The following CDK8 variants were observed in gnomAD, a reference collection of about 807,000 sequenced individuals.
CDK8 encodes the protein cyclin dependent kinase 8.
Under a neutral mutation model 71.5 loss-of-function variants are expected in CDK8, and 29 were observed. That is an observed-to-expected ratio of 0.41 (90% CI 0.30 to 0.55). The LOEUF (loss-of-function observed/expected upper bound fraction) is 0.55, where lower values mean the gene tolerates loss of function less well. Ranked by LOEUF, CDK8 falls within the 20% of genes least tolerant of loss-of-function variation. CDK8 has a pLI of 0.37. For missense variants in CDK8, 288 were observed against 572.6 expected (o/e 0.50, Z 5.07); for synonymous variants, 161 against 192.1 (o/e 0.84, Z 1.34).
chr13:26,400,428 A>T, intron 9 of CDK8, 25 bp from the exon 10 acceptor site: 1 of 1,406,616 alleles, frequency 7.1e-7, no homozygotes, highest in Non-Finnish European at 1.0e-6. Context: ...CAATACCGTC[A>T]TGTTTGTATG....
At chr13:26,339,069 G>A (rs371739301) in intron 2 of CDK8, among the ~76,000 whole-genome samples, 6 of 152,000 alleles carry the variant, frequency 3.9e-5, no homozygotes, top group African/African-American at 1.4e-4. Context: ...AAGTATGAAA[G>A]CCTACTTTTA....
At chr13:26,296,595 C>T (rs9581626) in intron 1 of CDK8, among the ~76,000 whole-genome samples, 16,466 of 152,124 alleles carry the variant, frequency 0.11, 2,637 homozygotes, top group African/African-American at 0.35. Flanking sequence ...ACTAAGATAA[C>T]GAATCCCTGA....
chr13:26,399,372 C>T (rs992419697), intron 9 of CDK8, among the ~76,000 whole-genome samples: 4 of 152,150 alleles, frequency 2.6e-5, no homozygotes, highest in African/African-American at 9.7e-5. Flanking sequence ...CTCAGTCCAG[C>T]AGCATGGTAT....
At chr13:26,310,283 A>G (rs1874224504) in intron 1 of CDK8, among the ~76,000 whole-genome samples, 1 of 152,174 alleles carries the variant, frequency 6.6e-6, no homozygotes, top group African/African-American at 2.4e-5. Flanking sequence ...GAAATTGTAC[A>G]GTGTTGGTGA....
At chr13:26,337,058 A>G (rs1252939294) in intron 1 of CDK8, among the ~76,000 whole-genome samples, 1 of 132,708 alleles carries the variant, frequency 7.5e-6, no homozygotes, top group African/African-American at 2.6e-5. Context: ...GTAAGTGTTC[A>G]GTAAACACAT....
intron 2 of CDK8, among the ~76,000 whole-genome samples, chr13:26,341,002 T>C (rs940778567): frequency 6.6e-6 from 1 of 152,218 alleles, no homozygotes; most frequent in African/African-American, 2.4e-5. Context: ...TGTAGACATT[T>C]TTCAAACTGC....
At chr13:26,313,332 G>A (rs1874374350) in intron 1 of CDK8, among the ~76,000 whole-genome samples, 1 of 152,178 alleles carries the variant, frequency 6.6e-6, no homozygotes, top group East Asian at 1.9e-4. Flanking sequence ...TGGCAAAAAC[G>A]AGATGGAAAA....
At chr13:26,342,432 AC>A (rs1873284342) in intron 2 of CDK8, among the ~76,000 whole-genome samples, 6 of 152,066 alleles carry the variant, frequency 3.9e-5, no homozygotes, top group Admixed American at 6.5e-5. Flanking sequence ...TTGGGCTCTT[AC>A]CCTGGCTCTG....
chr13:26,353,760 A>G lies in CDK8; in HGVS notation c.336A>G (p.Arg112=), dbSNP rs957363914. 3 of 1,612,414 alleles carry G rather than the reference A, an allele frequency of 1.9e-6. No individual in the cohort carries two copies. The highest frequency in any genetic ancestry group is 2.5e-6 in the Non-Finnish European group (3 of 1,179,006). The change falls in exon 4 of 13, where the codon AGA becomes AGG. Residue 112 remains arginine, a synonymous_variant. Coordinates refer to ENST00000381527, the MANE Select transcript of CDK8 (RefSeq NM_001260.3). ...TTCAGCATATAATCAAGTTTCACAGAGCTTCTAAAGCAAACAAGAAGCCAG... is the reference window on the plus strand; with the variant it reads ...TTCAGCATATAATCAAGTTTCACAGGGCTTCTAAAGCAAACAAGAAGCCAG... ...HDLWHIIKFH[R]ASKANKKPVQ... is the part of the protein sequence containing the mutation.
intron 1 of CDK8, among the ~76,000 whole-genome samples, chr13:26,267,253 G>A (rs1872061993): frequency 6.6e-6 from 1 of 152,202 alleles, no homozygotes; most frequent in African/African-American, 2.4e-5. Context: ...TATGCGTGCA[G>A]TTCTCCAGTG....
chr13:26,259,696 A>G (rs1396813184), intron 1 of CDK8, among the ~76,000 whole-genome samples: 1 of 152,188 alleles, frequency 6.6e-6, no homozygotes, highest in East Asian at 1.9e-4. Flanking sequence ...TTTAGTAGCA[A>G]TACTGGAAAA....
chr13:26,323,591 C>T (rs1874892982), intron 1 of CDK8, among the ~76,000 whole-genome samples: 2 of 152,134 alleles, frequency 1.3e-5, no homozygotes, highest in South Asian at 4.1e-4. Flanking sequence ...GGCCCTCGTT[C>T]TCATTTGTTC....
chr13:26,323,588 G>A (rs1017513026), intron 1 of CDK8, among the ~76,000 whole-genome samples: 53 of 152,052 alleles, frequency 3.5e-4, no homozygotes, highest in African/African-American at 1.2e-3. Flanking sequence ...TTAGGCCCTC[G>A]TTCTCATTTG....
intron 1 of CDK8, among the ~76,000 whole-genome samples, chr13:26,274,386 C>T (rs59980333): frequency 0.029 from 4,344 of 150,968 alleles, 196 homozygotes; most frequent in African/African-American, 0.1. Context: ...AATTTCTTTT[C>T]GGAATTACCC....
chr13:26,256,493 TGA>T (rs1871530216), intron 1 of CDK8, among the ~76,000 whole-genome samples: 1 of 152,222 alleles, frequency 6.6e-6, no homozygotes, highest in Non-Finnish European at 1.5e-5. Context: ...TTAATCTGTG[TGA>T]GAGAAGCCGG....
intron 1 of CDK8, among the ~76,000 whole-genome samples, chr13:26,313,566 C>A (rs1565968417): frequency 6.6e-6 from 1 of 152,134 alleles, no homozygotes; most frequent in Non-Finnish European, 1.5e-5. Flanking sequence ...AATCCATTCT[C>A]CTTTACACAT....
chr13:26,279,410 A>T (rs1310048649), intron 1 of CDK8, among the ~76,000 whole-genome samples: 1 of 152,154 alleles, frequency 6.6e-6, no homozygotes, highest in Non-Finnish European at 1.5e-5. Flanking sequence ...CAATCTTAGC[A>T]TCATGAACGG....
At chr13:26,344,999 G>A (rs180906025) in intron 2 of CDK8, among the ~76,000 whole-genome samples, 13 of 152,286 alleles carry the variant, frequency 8.5e-5, no homozygotes, top group African/African-American at 2.9e-4. Context: ...TGCTAGACTT[G>A]TATGAGACTG....
intron 4 of CDK8, among the ~76,000 whole-genome samples, chr13:26,371,025 A>G (rs571636146): frequency 6.6e-6 from 1 of 152,028 alleles, no homozygotes; most frequent in East Asian, 1.9e-4. Flanking sequence ...GGGGCATCTC[A>G]TGGGTGGTAT....
Sources: allele counts gnomAD v4.1 joint callset (sites outside exome capture counted in the v4.1 genomes callset), GRCh38; gene constraint gnomAD v4.1.1; transcripts MANE v1.5; gene names NCBI Gene and HGNC (gene_info 2026-07-23, HGNC 2026-07-21).